Variants in BCKDHB observed in about 807,000 individuals in gnomAD.
BCKDHB encodes the protein branched chain keto acid dehydrogenase E1 subunit beta.
BCKDHB carries 41 observed loss-of-function variants against 48.5 expected under a neutral mutation model. That is an observed-to-expected ratio of 0.85 (90% confidence interval 0.66 to 1.10). The LOEUF is 1.10. Ranked by LOEUF, BCKDHB falls within the 50% of genes least tolerant of loss-of-function variation. The pLI, the probability that BCKDHB is intolerant of heterozygous loss-of-function variation, is 0.00. For synonymous variants in BCKDHB, 201 were observed against 174.8 expected (o/e 1.15, Z -1.18); for missense variants, 496 against 494.2 (o/e 1.00, Z -0.03).
chr6:80,315,477 G>C (rs1263739466), intron 9 of BCKDHB, among the ~76,000 whole-genome samples: 1 of 152,082 alleles, frequency 6.6e-6, no homozygotes, highest in Non-Finnish European at 1.5e-5. Context: ...ATCAGTCCCA[G>C]TGCAAGTACC....
chr6:80,345,989 T>G lies in BCKDHB; in HGVS notation c.*2185T>G, dbSNP rs926754698. On this transcript the variant is annotated 3_prime_UTR_variant, in exon 10 of 10. Coordinates refer to ENST00000320393, the MANE Select transcript of BCKDHB (RefSeq NM_183050.4). ...TTATTTTACAGAAAAGCTGGAAGATTATGACTAGATATGGAAATATTTTTT... is the reference window on the plus strand; with the variant it reads ...TTATTTTACAGAAAAGCTGGAAGATGATGACTAGATATGGAAATATTTTTT... 9.2e-5 allele frequency: 14 copies of G among 152,324 alleles called. No individual in the cohort carries two copies. The highest frequency in any genetic ancestry group is 2.4e-4 in the African/African-American group (10 of 41,580). The allele number at this position is 152,324 out of a possible 1,614,324, so 9.4% of individuals were successfully genotyped here. A position where few individuals can be genotyped will look rare whatever the true frequency, so the allele number is the denominator to read the frequency against.
At chr6:80,217,605 A>G (rs3805913) in intron 8 of BCKDHB, among the ~76,000 whole-genome samples, 99,435 of 152,056 alleles carry the variant, frequency 0.65, 33,356 homozygotes, top group African/African-American at 0.8. Flanking sequence ...CTTATAATGC[A>G]AAGTATCATC....
chr6:80,190,437 G>A (rs1489147763), intron 6 of BCKDHB, among the ~76,000 whole-genome samples: 1 of 152,032 alleles, frequency 6.6e-6, no homozygotes, highest in South Asian at 2.1e-4. Context: ...CAGTGGTTAT[G>A]AGCTTGGACC....
Position 80,287,075 on chromosome 6 carries a change from C to T in BCKDHB, c.1038+13854C>T, listed in dbSNP as rs1420111860. On this transcript the variant is annotated intron_variant, in intron 9 of 9. Transcript: ENST00000320393. ...ACTGGTGGGGAGTGAGTAGATTAGA[C>T]CCACTTGTTGTTGATCCAACTGTTA... Among the ~76,000 whole-genome samples, 6 of 152,204 alleles carry T rather than the reference C, an allele frequency of 3.9e-5. No homozygotes were observed. The East Asian group carries it at 7.7e-4, about 20-fold the overall frequency.
At chr6:80,379,906 C>G in the BCKDHB span, among the ~76,000 whole-genome samples, 1 of 151,958 alleles carries the variant, frequency 6.6e-6, no homozygotes, top group Non-Finnish European at 1.5e-5. Flanking sequence ...ACAATAGAAA[C>G]TACAAAACAC....
chr6:80,248,451 A>C (rs3812124), intron 8 of BCKDHB, among the ~76,000 whole-genome samples: 55 of 152,154 alleles, frequency 3.6e-4, no homozygotes, highest in African/African-American at 1.2e-3. Flanking sequence ...AATTGGTTTG[A>C]AAAAAGATTA....
At chr6:80,447,529 A>G in the BCKDHB span, among the ~76,000 whole-genome samples, 1 of 151,452 alleles carries the variant, frequency 6.6e-6, no homozygotes, top group Non-Finnish European at 1.5e-5. Context: ...TATACACATT[A>G]TAGTTAACAA....
At chr6:80,370,982 TC>T in the BCKDHB span, among the ~76,000 whole-genome samples, 3 of 152,128 alleles carry the variant, frequency 2.0e-5, no homozygotes, top group East Asian at 5.8e-4. Flanking sequence ...TATAATGACT[TC>T]TTTTCCTCTG....
At chr6:80,117,571 G>C (rs935723506) in intron 1 of BCKDHB, among the ~76,000 whole-genome samples, 1 of 152,192 alleles carries the variant, frequency 6.6e-6, no homozygotes, top group Non-Finnish European at 1.5e-5. Context: ...TGACACCCAC[G>C]CTGCAAAGTT....
rs150008664 is a variant in BCKDHB at position 80,164,278 on chromosome 6, C to G, written c.344-3400C>G. The stretch of plus-strand genomic sequence containing the variant: ...ACTCTAGACCAGGCAATCTGGACTC[C>G]TTGCCCTTCCTCTGATATATTAAAC... On this transcript the variant is annotated intron_variant, in intron 3 of 9. Transcript: ENST00000320393. 1.9e-3 allele frequency among the ~76,000 whole-genome samples: 265 copies of G among 138,376 alleles called. 1 individual carries two copies. The highest frequency in any genetic ancestry group is 6.1e-3 in the African/African-American group (251 of 41,084). The allele number at this position is 138,376 out of a possible 152,430, so 90.8% of individuals were successfully genotyped here.
At chr6:80,461,098 A>T in the BCKDHB span, among the ~76,000 whole-genome samples, 32 of 152,326 alleles carry the variant, frequency 2.1e-4, no homozygotes, top group Non-Finnish European at 1.3e-4. Flanking sequence ...GGGATAAAGA[A>T]TTTAAAAATC....
In BCKDHB at chr6:80,203,253, C is replaced by G. The variant is rs182249597; in HGVS notation, c.951+41C>G. 1.2e-5 allele frequency: 17 copies of G among 1,384,680 alleles called. No homozygotes were observed. The Admixed American group carries it at 1.8e-4, about 15-fold the overall frequency. The allele number at this position is 1,384,680 out of a possible 1,614,324, so 85.8% of individuals were successfully genotyped here. ...TGATAGAATGTCATTTCCCTGAAAC[C>G]TTTGGCCAAATATGTTGTATATTTG... On this transcript the variant is annotated intron_variant, in intron 8 of 9. Transcript: ENST00000320393.
At chr6:80,261,694 A>T (rs949530811) in intron 8 of BCKDHB, among the ~76,000 whole-genome samples, 4 of 151,972 alleles carry the variant, frequency 2.6e-5, no homozygotes, top group African/African-American at 9.7e-5. Context: ...ACCCAGCCTT[A>T]TTATCTCCCT....
rs146543332 is a variant in BCKDHB at position 80,160,377 on chromosome 6, C to T, written c.344-7301C>T. On this transcript the variant is annotated intron_variant, in intron 3 of 9. Transcript: ENST00000320393. Reference sequence around the variant, plus strand: ...TTTGCCATGTTGGCCAGGCTGGTTTCGAACTCCTGGCCTCAAGTGATCCGC... The same window carrying T: ...TTTGCCATGTTGGCCAGGCTGGTTTTGAACTCCTGGCCTCAAGTGATCCGC... 1.7e-3 allele frequency among the ~76,000 whole-genome samples: 265 copies of T among 152,188 alleles called. 1 individual carries two copies. The highest frequency in any genetic ancestry group is 6.0e-3 in the African/African-American group (251 of 41,536).
intron 9 of BCKDHB, among the ~76,000 whole-genome samples, chr6:80,274,435 T>C (rs542943454): frequency 6.6e-6 from 1 of 152,034 alleles, no homozygotes; most frequent in East Asian, 2.0e-4. Context: ...CTAGTATTTA[T>C]TGTGTATTTT....
the BCKDHB span, among the ~76,000 whole-genome samples, chr6:80,441,889 T>C: frequency 2.8e-4 from 42 of 152,278 alleles, no homozygotes; most frequent in Non-Finnish European, 5.1e-4. Flanking sequence ...TACAGTGGAA[T>C]AGGAGAGCTT....
At position 80,305,908 on chromosome 6, in the gene BCKDHB, G is replaced by A. The variant is rs184530155; in HGVS notation, c.1038+32687G>A. ...GCCTAATACAGGGAGGACTTTGACAGTGATTCAGCAGTGAATCTAGAGCCA... is the reference window on the plus strand; with the variant it reads ...GCCTAATACAGGGAGGACTTTGACAATGATTCAGCAGTGAATCTAGAGCCA... On this transcript the variant is annotated intron_variant, in intron 9 of 9. Coordinates refer to ENST00000320393, the MANE Select transcript of BCKDHB (RefSeq NM_183050.4). Among the ~76,000 whole-genome samples the A allele has an allele frequency of 1.8e-4, 27 of 152,304 alleles. No individual in the cohort carries two copies. The East Asian group carries it at 4.4e-3, about 25-fold the overall frequency.
chr6:80,127,830 T>G (rs1285927831), intron 2 of BCKDHB, among the ~76,000 whole-genome samples: 1 of 152,220 alleles, frequency 6.6e-6, no homozygotes, highest in Non-Finnish European at 1.5e-5. Context: ...AAGTCAGCTT[T>G]CTCTTACAGT....
At chr6:80,395,796 T>C in the BCKDHB span, among the ~76,000 whole-genome samples, 6 of 152,138 alleles carry the variant, frequency 3.9e-5, no homozygotes, top group South Asian at 1.2e-3. Context: ...AATGGTTTCA[T>C]GGGCCAGGCT....
Sources: gnomAD v4.1 joint callset for allele counts (sites outside exome capture counted in the v4.1 genomes callset) on GRCh38, gnomAD v4.1.1 for gene constraint, MANE v1.5 for transcripts, NCBI Gene and HGNC (gene_info 2026-07-23, HGNC 2026-07-21) for gene names.